The following ELAVL2 variants were observed in gnomAD, a reference collection of about 807,000 sequenced individuals.
The protein encoded by ELAVL2 is ELAV-like protein 2.
In ELAVL2, 4 loss-of-function variants were observed where a neutral mutation model predicts 34.6. The observed-to-expected ratio is 0.12, with a 90% CI of 0.06 to 0.26. The LOEUF (loss-of-function observed/expected upper bound fraction) is 0.26, where lower values mean the gene tolerates loss of function less well. Ranked by LOEUF, ELAVL2 falls within the 10% of genes least tolerant of loss-of-function variation. The pLI is 1.00. For synonymous variants in ELAVL2, 193 were observed against 154.8 expected, an observed-to-expected ratio of 1.25 and a Z score of -1.83; for missense variants, 432 against 442.8, an observed-to-expected ratio of 0.98 and a Z score of 0.22.
chr9:23,845,334 T>C, the ELAVL2 span, among the ~76,000 whole-genome samples: 2 of 151,858 alleles, frequency 1.3e-5, no homozygotes, highest in Non-Finnish European at 2.9e-5. Context: ...TGTATGATTT[T>C]AGTACATAAT....
At chr9:23,782,942 C>T (rs1264941870) in intron 1 of ELAVL2, among the ~76,000 whole-genome samples, 2 of 152,144 alleles carry the variant, frequency 1.3e-5, no homozygotes, top group South Asian at 2.1e-4. Flanking sequence ...TCTTTCCAAT[C>T]CCAGCTTCCC....
chr9:23,707,452 G>A (rs1434315349), intron 3 of ELAVL2, among the ~76,000 whole-genome samples: 1 of 152,064 alleles, frequency 6.6e-6, no homozygotes, highest in Non-Finnish European at 1.5e-5. Flanking sequence ...TGTGACTGAA[G>A]TACTCCCATT....
At chr9:23,729,244 C>T (rs555732433) in intron 3 of ELAVL2, among the ~76,000 whole-genome samples, 28 of 152,076 alleles carry the variant, frequency 1.8e-4, no homozygotes, top group South Asian at 4.1e-4. Context: ...AAGGATAGTT[C>T]CTGGGACAAG....
At chr9:23,775,716 G>A (rs868862763) in intron 1 of ELAVL2, among the ~76,000 whole-genome samples, 2 of 152,060 alleles carry the variant, frequency 1.3e-5, no homozygotes, top group Non-Finnish European at 2.9e-5. Flanking sequence ...TCATCCACAT[G>A]CCCAGCACCC....
At chr9:23,841,057 T>C in the ELAVL2 span, among the ~76,000 whole-genome samples, 1 of 152,190 alleles carries the variant, frequency 6.6e-6, no homozygotes, top group Non-Finnish European at 1.5e-5. Flanking sequence ...AGGACTCTCC[T>C]TAATATCTTC....
At chr9:23,799,223 C>G (rs1176231260) in intron 1 of ELAVL2, among the ~76,000 whole-genome samples, 1 of 152,182 alleles carries the variant, frequency 6.6e-6, no homozygotes, top group Admixed American at 6.5e-5. Context: ...AAAGGAGTAC[C>G]TCTCGCCTAT....
intron 1 of ELAVL2, among the ~76,000 whole-genome samples, chr9:23,797,492 A>T (rs2061075481): frequency 6.6e-6 from 1 of 152,250 alleles, no homozygotes; most frequent in African/African-American, 2.4e-5. Flanking sequence ...GGGAATTTAA[A>T]ACAGAAAGGG....
At chr9:23,782,431 G>A (rs10966080) in intron 1 of ELAVL2, among the ~76,000 whole-genome samples, 20 of 151,974 alleles carry the variant, frequency 1.3e-4, no homozygotes, top group Middle Eastern at 3.4e-3. Context: ...AATTACAGGC[G>A]TGTGGTAGTG....
intron 1 of ELAVL2, among the ~76,000 whole-genome samples, chr9:23,773,143 T>G (rs3793584): frequency 0.03 from 4,520 of 152,272 alleles, 84 homozygotes; most frequent in East Asian, 0.07. Context: ...GAGGAAAGGG[T>G]TGCTAAGGGC....
chr9:23,787,725 TC>T (rs1477933441), intron 1 of ELAVL2, among the ~76,000 whole-genome samples: 2 of 152,062 alleles, frequency 1.3e-5, no homozygotes, highest in East Asian at 3.9e-4. Flanking sequence ...TAAGAATCTC[TC>T]CTAAGGGCCC....
intron 3 of ELAVL2, among the ~76,000 whole-genome samples, chr9:23,725,616 T>C (rs963961696): frequency 6.6e-6 from 1 of 152,122 alleles, no homozygotes; most frequent in Non-Finnish European, 1.5e-5. Flanking sequence ...GAACAAATTA[T>C]AATGATAAAG....
intron 1 of ELAVL2, 38 bp from the exon 2 acceptor site, chr9:23,762,287 T>C: frequency 6.2e-7 from 1 of 1,606,260 alleles, no homozygotes; most frequent in Non-Finnish European, 8.5e-7. Flanking sequence ...AGAATTCATA[T>C]TTCACAACCT....
At chr9:23,798,488 A>G (rs560300202) in intron 1 of ELAVL2, among the ~76,000 whole-genome samples, 3 of 152,296 alleles carry the variant, frequency 2.0e-5, no homozygotes, top group African/African-American at 7.2e-5. Context: ...TTTTGTAAGA[A>G]CTCAAGTGAG....
intron 2 of ELAVL2, among the ~76,000 whole-genome samples, chr9:23,761,326 T>C (rs71506782): frequency 0.03 from 4,550 of 152,118 alleles, 85 homozygotes; most frequent in East Asian, 0.074. Flanking sequence ...AACCCTTCTA[T>C]CCCAAGAACG....
intron 3 of ELAVL2, among the ~76,000 whole-genome samples, chr9:23,725,463 A>C (rs922020337): frequency 2.6e-5 from 4 of 152,216 alleles, no homozygotes; most frequent in Non-Finnish European, 5.9e-5. Context: ...GTATTTTAAC[A>C]GAGGACCTAC....
intron 1 of ELAVL2, among the ~76,000 whole-genome samples, chr9:23,811,073 A>T (rs1212841567): frequency 6.6e-6 from 1 of 152,212 alleles, no homozygotes; most frequent in Admixed American, 6.5e-5. Context: ...GTACAAAAGG[A>T]AAACCAAAAC....
chr9:23,827,042 T>C (rs2065339434), upstream of ELAVL2, among the ~76,000 whole-genome samples: 1 of 152,206 alleles, frequency 6.6e-6, no homozygotes, highest in African/African-American at 2.4e-5. Context: ...AAGTGTAGGA[T>C]AAATATCCTA....
intron 1 of ELAVL2, among the ~76,000 whole-genome samples, chr9:23,806,690 A>G (rs747586530): frequency 6.6e-6 from 1 of 152,176 alleles, no homozygotes; most frequent in Non-Finnish European, 1.5e-5. Context: ...AGAATCACTG[A>G]CATCAAAGAG....
chr9:23,729,467 G>C (rs1157197440), intron 3 of ELAVL2, among the ~76,000 whole-genome samples: 2 of 152,156 alleles, frequency 1.3e-5, no homozygotes, highest in African/African-American at 4.8e-5. Flanking sequence ...ACTAGTAAAA[G>C]ATCTCTGACA....
Sources: gnomAD v4.1 joint callset for allele counts (sites outside exome capture counted in the v4.1 genomes callset) on GRCh38, gnomAD v4.1.1 for gene constraint, MANE v1.5 for transcripts, NCBI Gene and HGNC (gene_info 2026-07-23, HGNC 2026-07-21) for gene names.